The following GIGYF2 variants were observed in gnomAD, a reference collection of about 807,000 sequenced individuals.
GIGYF2 encodes the protein GRB10 interacting GYF protein 2.
In GIGYF2, 25 loss-of-function variants were observed where a neutral mutation model predicts 208.1. The ratio of observed to expected loss-of-function variants is 0.12; its 90% confidence interval spans 0.09 to 0.17. The LOEUF is 0.17. GIGYF2 is among the 10% of genes least tolerant of loss of function. The pLI is 1.00. For synonymous variants in GIGYF2, 534 were observed against 543.8 expected (o/e 0.98, Z 0.25); for missense variants, 1,302 against 1,579.4 (o/e 0.82, Z 2.98).
At chr2:232,763,464 G>A (rs149821506) in intron 8 of GIGYF2, among the ~76,000 whole-genome samples, 20 of 152,006 alleles carry the variant, frequency 1.3e-4, no homozygotes, top group Non-Finnish European at 2.9e-4. Flanking sequence ...TATAAATTAG[G>A]CACAGTAAGA....
chr2:232,846,582 A>G (rs1702011854), intron 26 of GIGYF2, among the ~76,000 whole-genome samples: 1 of 152,266 alleles, frequency 6.6e-6, no homozygotes, highest in African/African-American at 2.4e-5. Context: ...GTTCCTTTGC[A>G]GCAGTGTAAC....
chr2:232,803,593 T>C (rs760545237), intron 14 of GIGYF2, among the ~76,000 whole-genome samples: 2 of 152,120 alleles, frequency 1.3e-5, no homozygotes, highest in African/African-American at 2.4e-5. Flanking sequence ...TCTTAAATTG[T>C]TTTCTTTCAC....
At chr2:232,713,722 C>G (rs1169102953) in intron 2 of GIGYF2, among the ~76,000 whole-genome samples, 4 of 152,084 alleles carry the variant, frequency 2.6e-5, no homozygotes, top group Non-Finnish European at 5.9e-5. Context: ...TTGAGGAGTA[C>G]TAGTTATTTT....
intron 2 of GIGYF2, among the ~76,000 whole-genome samples, chr2:232,717,014 A>G (rs894496218): frequency 2.0e-5 from 3 of 149,532 alleles, no homozygotes; most frequent in Admixed American, 1.3e-4. Context: ...GGGTTTTGCC[A>G]TGTTGCCCAG....
At chr2:232,729,863 C>T in intron 2 of GIGYF2, 1 of 735,502 alleles carries the variant, frequency 1.4e-6, no homozygotes, top group South Asian at 1.4e-5. Context: ...TTCGTTTCTT[C>T]ACTTTTCTCC....
intron 5 of GIGYF2, among the ~76,000 whole-genome samples, chr2:232,750,948 G>T (rs116066641): frequency 0.02 from 3,065 of 152,196 alleles, 52 homozygotes; most frequent in East Asian, 0.076. Flanking sequence ...TCCTGTCTCA[G>T]CCTCCTGCAT....
At chr2:232,778,160 T>A (rs938910985) in intron 8 of GIGYF2, among the ~76,000 whole-genome samples, 3 of 152,094 alleles carry the variant, frequency 2.0e-5, no homozygotes, top group Non-Finnish European at 2.9e-5. Flanking sequence ...GGTCTTGAAC[T>A]CCTGGGCTCA....
intron 16 of GIGYF2, chr2:232,810,501 T>C (rs1169762921): frequency 1.3e-5 from 2 of 153,398 alleles, no homozygotes; most frequent in East Asian, 1.9e-4. Flanking sequence ...GGTTTTGTTA[T>C]GTCCTTTTTG....
chr2:232,783,800 C>T (rs1433628983), intron 8 of GIGYF2, among the ~76,000 whole-genome samples: 1 of 152,160 alleles, frequency 6.6e-6, no homozygotes, highest in East Asian at 1.9e-4. Flanking sequence ...ATTCTCCTGC[C>T]TCAGCCTCCC....
In GIGYF2 at chr2:232,841,461, A is replaced by AT. The variant is rs57307878; in HGVS notation, c.2889+1513dup. Among the ~76,000 whole-genome samples the AT allele has an allele frequency of 2.2e-3, 310 of 138,776 alleles. 3 individuals are homozygous for AT. The highest frequency in any genetic ancestry group is 3.7e-3 in the Middle Eastern group (1 of 270). The allele number at this position is 138,776 out of a possible 152,430, so 91.0% of individuals were successfully genotyped here. ...CAGGCACTTGCCACCACCACCAGCTATTTTTTTTTTTTTTTTTTTTTTTAA... is the reference window on the plus strand; with the variant it reads ...CAGGCACTTGCCACCACCACCAGCTATTTTTTTTTTTTTTTTTTTTTTTTAA... On this transcript the variant is annotated intron_variant, in intron 23 of 28. Coordinates refer to ENST00000373563, the MANE Select transcript of GIGYF2 (RefSeq NM_001103146.3).
At chr2:232,722,536 A>C (rs574966037) in intron 2 of GIGYF2, 1 of 152,164 alleles carries the variant, frequency 6.6e-6, no homozygotes, top group Non-Finnish European at 1.5e-5. Context: ...TCACTTCTCT[A>C]TCTTTATTGG....
chr2:232,722,880 C>G (rs1265698287), intron 2 of GIGYF2, among the ~76,000 whole-genome samples: 1 of 152,214 alleles, frequency 6.6e-6, no homozygotes, highest in African/African-American at 2.4e-5. Context: ...ATCATCTTCT[C>G]TGTCATTTGC....
intron 21 of GIGYF2, among the ~76,000 whole-genome samples, chr2:232,825,835 C>G (rs1159590189): frequency 1.3e-5 from 2 of 151,774 alleles, no homozygotes; most frequent in Non-Finnish European, 2.9e-5. Flanking sequence ...GGTATTTCTC[C>G]TAATGCTATC....
At chr2:232,854,869 AT>A (rs1690492031) in intron 28 of GIGYF2, among the ~76,000 whole-genome samples, 1 of 152,178 alleles carries the variant, frequency 6.6e-6, no homozygotes, top group Non-Finnish European at 1.5e-5. Flanking sequence ...GAATAAGGAC[AT>A]TGCCTGTTTA....
intron 8 of GIGYF2, chr2:232,767,836 G>A (rs1253502141): frequency 3.8e-5 from 10 of 266,556 alleles, no homozygotes; most frequent in Non-Finnish European, 7.2e-5. Flanking sequence ...AGATGAAAAT[G>A]AGAGATTAAT....
chr2:232,710,444 C>G (rs1696337837), intron 2 of GIGYF2, among the ~76,000 whole-genome samples: 1 of 152,078 alleles, frequency 6.6e-6, no homozygotes, highest in South Asian at 2.1e-4. Flanking sequence ...GGTCTTTTGT[C>G]TTTAAAAAAA....
chr2:232,713,215 A>G (rs933013512), intron 2 of GIGYF2, among the ~76,000 whole-genome samples: 7 of 151,612 alleles, frequency 4.6e-5, no homozygotes, highest in African/African-American at 1.7e-4. Flanking sequence ...AGCTGGGATT[A>G]CAAGCACCCG....
At chr2:232,707,451 C>CAT (rs1315816066) in intron 2 of GIGYF2, among the ~76,000 whole-genome samples, 1 of 152,064 alleles carries the variant, frequency 6.6e-6, no homozygotes, top group Non-Finnish European at 1.5e-5. Flanking sequence ...AAAGAGTAGC[C>CAT]ATATCCACGG....
intron 22 of GIGYF2, among the ~76,000 whole-genome samples, chr2:232,836,340 ACTT>A (rs1559160818): frequency 0.073 from 2,837 of 38,890 alleles, 285 homozygotes; most frequent in Admixed American, 0.11. Context: ...ACATATATAT[ACTT>A]ATATATTTAT....
Sources: allele counts gnomAD v4.1 joint callset (sites outside exome capture counted in the v4.1 genomes callset), GRCh38; gene constraint gnomAD v4.1.1; transcripts MANE v1.5; gene names NCBI Gene and HGNC (gene_info 2026-07-23, HGNC 2026-07-21).